The following DNER variants were observed in gnomAD, a reference collection of about 807,000 sequenced individuals.
The protein encoded by DNER is delta/notch like EGF repeat containing.
In DNER, 33 loss-of-function variants were observed where a neutral mutation model predicts 78.2. That is an observed-to-expected ratio of 0.42 (90% confidence interval 0.32 to 0.56). The LOEUF (loss-of-function observed/expected upper bound fraction) is 0.56, where lower values mean the gene tolerates loss of function less well. Among genes scored for constraint, DNER ranks in the 20% least tolerant of loss-of-function variants. DNER has a pLI of 0.11. For synonymous variants in DNER, 417 were observed against 384.8 expected (o/e 1.08, Z -0.98); for missense variants, 918 against 975.3 (o/e 0.94, Z 0.78).
At position 229,690,552 on chromosome 2, in the gene DNER, C is replaced by T. The variant is rs79564979; in HGVS notation, c.276+23596G>A. 5.3e-3 allele frequency among the ~76,000 whole-genome samples: 806 copies of T among 152,242 alleles called. 10 individuals are homozygous for T. The highest frequency in any genetic ancestry group is 0.019 in the African/African-American group (778 of 41,546). On this transcript the variant is annotated intron_variant, in intron 1 of 12. Coordinates refer to ENST00000341772, the MANE Select transcript of DNER (RefSeq NM_139072.4). ...GTTGAATTGAGTGAAGTTGCTACACCGAATGCACCCAATCTCCCTTCCAGC... is the reference window on the plus strand; with the variant it reads ...GTTGAATTGAGTGAAGTTGCTACACTGAATGCACCCAATCTCCCTTCCAGC...
At chr2:229,536,215 G>A (rs951308121) in intron 5 of DNER, among the ~76,000 whole-genome samples, 3 of 152,196 alleles carry the variant, frequency 2.0e-5, no homozygotes, top group Non-Finnish European at 2.9e-5. Context: ...GAGGAGGTTG[G>A]AAATGGTTTA....
intron 12 of DNER, among the ~76,000 whole-genome samples, 164 bp from the exon 13 acceptor site, chr2:229,358,815 T>G (rs115017534): frequency 1.0e-3 from 159 of 152,354 alleles, no homozygotes; most frequent in African/African-American, 3.6e-3. Flanking sequence ...ACACTGAATG[T>G]GTATAAACAT....
chr2:229,489,552 G>A (rs1401270248), intron 6 of DNER, among the ~76,000 whole-genome samples: 8 of 151,896 alleles, frequency 5.3e-5, no homozygotes, highest in East Asian at 1.9e-4. Flanking sequence ...GGAAGAGGAA[G>A]GGGAGGAGGG....
chr2:229,418,154 C>G lies in DNER; in HGVS notation c.1563G>C (p.Arg521Ser). The change falls in exon 9 of 13, where the codon AGG (arginine) becomes AGC (serine). Residue 521 changes from arginine (R) to serine (S), a missense_variant. Coordinates refer to ENST00000341772, the MANE Select transcript of DNER (RefSeq NM_139072.4). ...SAPCLNAATC[R>S]DLVNGYECVC... The stretch of plus-strand genomic sequence containing the variant: ...CACACTCATAGCCATTAACGAGGTC[C>G]CTGCAGGTGGCTGCATTCAGGCATG... 1 of 1,614,156 alleles carries G rather than the reference C, an allele frequency of 6.2e-7. No individual in the cohort carries two copies. Among genetic ancestry groups the G allele is most frequent in the Non-Finnish European group, 8.5e-7 (1 of 1,180,010 alleles).
At chr2:229,609,968 G>A (rs768893377) in intron 1 of DNER, among the ~76,000 whole-genome samples, 1 of 152,148 alleles carries the variant, frequency 6.6e-6, no homozygotes, top group Non-Finnish European at 1.5e-5. Context: ...TCACATAAAA[G>A]TTTTTGCCAT....
At chr2:229,604,001 G>A (rs1010486706) in intron 1 of DNER, among the ~76,000 whole-genome samples, 5 of 152,020 alleles carry the variant, frequency 3.3e-5, no homozygotes, top group Non-Finnish European at 5.9e-5. Flanking sequence ...CCAGCACCGC[G>A]GCCACATGAA....
intron 1 of DNER, among the ~76,000 whole-genome samples, chr2:229,661,955 A>T (rs1183154181): frequency 2.0e-5 from 3 of 152,232 alleles, no homozygotes; most frequent in African/African-American, 7.2e-5. Flanking sequence ...GAAAAACTCC[A>T]GCAGGCAGCC....
intron 1 of DNER, among the ~76,000 whole-genome samples, chr2:229,683,544 A>C (rs1699424153): frequency 6.6e-6 from 1 of 152,220 alleles, no homozygotes; most frequent in Admixed American, 6.5e-5. Context: ...AAAGGAAAGA[A>C]CAAGAAAGGA....
chr2:229,422,494 G>T (rs1359076248), intron 8 of DNER, among the ~76,000 whole-genome samples: 1 of 152,158 alleles, frequency 6.6e-6, no homozygotes, highest in East Asian at 1.9e-4. Context: ...CCAGATGGGG[G>T]GAGTGAGAAA....
chr2:229,696,208 G>A (rs1365219831), intron 1 of DNER, among the ~76,000 whole-genome samples: 2 of 152,130 alleles, frequency 1.3e-5, no homozygotes, highest in Non-Finnish European at 2.9e-5. Context: ...CATTTATACT[G>A]AGCTCATTAA....
intron 6 of DNER, among the ~76,000 whole-genome samples, chr2:229,504,685 T>A (rs1695699029): frequency 1.3e-5 from 2 of 152,226 alleles, no homozygotes; most frequent in South Asian, 4.1e-4. Context: ...CTGAAGGGAT[T>A]ACATTGTCTT....
chr2:229,479,732 CAAAAAA>C (rs1695115939), intron 6 of DNER, among the ~76,000 whole-genome samples: 1 of 114,094 alleles, frequency 8.8e-6, no homozygotes, highest in African/African-American at 2.9e-5. Flanking sequence ...AAAAAAAAAA[CAAAAAA>C]CCATAAATAT....
intron 11 of DNER, among the ~76,000 whole-genome samples, chr2:229,375,497 G>C (rs1034278220): frequency 1.3e-5 from 2 of 152,200 alleles, no homozygotes; most frequent in Non-Finnish European, 2.9e-5. Context: ...CTGAGAAGGA[G>C]AGGATGCATT....
chr2:229,528,375 A>G (rs73998264), intron 5 of DNER, among the ~76,000 whole-genome samples: 3,210 of 152,232 alleles, frequency 0.021, 118 homozygotes, highest in African/African-American at 0.074. Flanking sequence ...AAGTGCTTCC[A>G]CCTTTGTGAT....
At chr2:229,622,937 T>C (rs1410758642) in intron 1 of DNER, among the ~76,000 whole-genome samples, 1 of 152,184 alleles carries the variant, frequency 6.6e-6, no homozygotes, top group Non-Finnish European at 1.5e-5. Flanking sequence ...TTACTGTTGT[T>C]TAAGCCACTG....
At chr2:229,602,412 C>G (rs947046447) in intron 1 of DNER, among the ~76,000 whole-genome samples, 5 of 152,134 alleles carry the variant, frequency 3.3e-5, no homozygotes, top group Non-Finnish European at 7.4e-5. Context: ...CAGTTTCTCT[C>G]TGAAACTGGG....
chr2:229,522,425 G>T (rs780839941), intron 5 of DNER, among the ~76,000 whole-genome samples: 3 of 152,102 alleles, frequency 2.0e-5, no homozygotes, highest in Admixed American at 6.5e-5. Flanking sequence ...TTTATTTGCC[G>T]CAACGTTCTA....
intron 9 of DNER, among the ~76,000 whole-genome samples, chr2:229,416,708 C>T (rs367644300): frequency 1.3e-5 from 2 of 152,166 alleles, no homozygotes; most frequent in South Asian, 2.1e-4. Context: ...CTCTGGAGCC[C>T]TCATCCCCTG....
At chr2:229,586,350 G>A (rs1311973844) in intron 3 of DNER, among the ~76,000 whole-genome samples, 3 of 151,242 alleles carry the variant, frequency 2.0e-5, no homozygotes, top group Non-Finnish European at 2.9e-5. Context: ...TGTCATAAAC[G>A]TGGACTGCAA....
Sources: allele counts gnomAD v4.1 joint callset (sites outside exome capture counted in the v4.1 genomes callset), GRCh38; gene constraint gnomAD v4.1.1; transcripts MANE v1.5; gene names NCBI Gene and HGNC (gene_info 2026-07-23, HGNC 2026-07-21).